The following DTNBP1 variants were observed in gnomAD, a reference collection of about 807,000 sequenced individuals.
The protein encoded by DTNBP1 is dystrobrevin binding protein 1, also known as dysbindin.
A neutral mutation model predicts 42.8 loss-of-function variants in DTNBP1; 35 were observed. That is an observed-to-expected ratio of 0.82 (90% CI 0.63 to 1.09). The LOEUF (loss-of-function observed/expected upper bound fraction) is 1.09, where lower values mean the gene tolerates loss of function less well. Among genes scored for constraint, DTNBP1 ranks in the 50% least tolerant of loss-of-function variants. The probability of loss-of-function intolerance (pLI) is 0.00; values close to 1 mark genes in which losing one functional copy is unlikely to be tolerated. For synonymous variants in DTNBP1, 171 were observed against 162.2 expected, an observed-to-expected ratio of 1.05 and a Z score of -0.41; for missense variants, 457 against 424.2, an observed-to-expected ratio of 1.08 and a Z score of -0.68.
chr6:15,546,328 G>T (rs574742140), intron 7 of DTNBP1, among the ~76,000 whole-genome samples: 100 of 152,100 alleles, frequency 6.6e-4, no homozygotes, highest in African/African-American at 2.0e-3. Context: ...GCCTCCCAAA[G>T]TGCTGGGTTT....
At chr6:15,540,980 G>A (rs1465752562) in intron 7 of DTNBP1, among the ~76,000 whole-genome samples, 1 of 151,998 alleles carries the variant, frequency 6.6e-6, no homozygotes, top group Non-Finnish European at 1.5e-5. Flanking sequence ...AACAATCACT[G>A]TTTTAAGTTT....
chr6:15,660,543 A>C (rs1761548193), intron 1 of DTNBP1: 2 of 1,289,504 alleles, frequency 1.6e-6, no homozygotes, highest in Admixed American at 2.3e-5. Flanking sequence ...AAAGCCAACA[A>C]AAGACCTAAT....
chr6:15,527,269 A>G (rs1459279920), intron 8 of DTNBP1, among the ~76,000 whole-genome samples: 2 of 152,172 alleles, frequency 1.3e-5, no homozygotes, highest in East Asian at 3.8e-4. Flanking sequence ...AATATCCATA[A>G]TCTTGGGGGC....
In DTNBP1 at chr6:15,533,793, C is replaced by G. The variant is rs115804155; in HGVS notation, c.512-398G>C. Among the ~76,000 whole-genome samples, 406 of 152,330 alleles carry G rather than the reference C, an allele frequency of 2.7e-3. 6 individuals carry two copies. Among genetic ancestry groups the G allele is most frequent in the African/African-American group, 9.0e-3 (373 of 41,580 alleles). On this transcript the variant is annotated intron_variant, in intron 7 of 9. Coordinates refer to ENST00000344537, the MANE Select transcript of DTNBP1 (RefSeq NM_032122.5). ...CCACATCCCTGTGTTTAGACTTTTGCAGCTGACTTACAAAAATTGCAGTGC... is the reference window on the plus strand; with the variant it reads ...CCACATCCCTGTGTTTAGACTTTTGGAGCTGACTTACAAAAATTGCAGTGC...
At chr6:15,624,977 T>C (rs1439390287) in intron 5 of DTNBP1, among the ~76,000 whole-genome samples, 1 of 152,192 alleles carries the variant, frequency 6.6e-6, no homozygotes, top group Non-Finnish European at 1.5e-5. Context: ...AAAGTGTTTG[T>C]TTTCCTACTG....
intron 7 of DTNBP1, among the ~76,000 whole-genome samples, chr6:15,569,977 C>G (rs1169491841): frequency 6.6e-6 from 1 of 152,086 alleles, no homozygotes; most frequent in East Asian, 1.9e-4. Flanking sequence ...CTCTTCCCTT[C>G]TCCCTCCCTC....
chr6:15,544,191 C>T (rs562112528), intron 7 of DTNBP1, among the ~76,000 whole-genome samples: 3 of 152,300 alleles, frequency 2.0e-5, no homozygotes, highest in East Asian at 3.9e-4. Flanking sequence ...TTCTGAGACT[C>T]GCTTTTTTCA....
intron 1 of DTNBP1, among the ~76,000 whole-genome samples, chr6:15,659,847 C>CA (rs2113833659): frequency 6.6e-6 from 1 of 152,104 alleles, no homozygotes; most frequent in East Asian, 1.9e-4. Context: ...CCACCGCACC[C>CA]AGCCAAAAGA....
At chr6:15,581,993 CT>C (rs953550353) in intron 7 of DTNBP1, among the ~76,000 whole-genome samples, 11 of 149,272 alleles carry the variant, frequency 7.4e-5, no homozygotes, top group Admixed American at 1.3e-4. Flanking sequence ...AAATCAGCAT[CT>C]TTTTTTTTTA....
chr6:15,655,921 T>C (rs543735234), intron 1 of DTNBP1, among the ~76,000 whole-genome samples: 2 of 152,326 alleles, frequency 1.3e-5, no homozygotes, highest in South Asian at 4.1e-4. Flanking sequence ...AACCCACTTA[T>C]AACGTCTGTT....
chr6:15,592,630 C>A (rs1776346004), intron 7 of DTNBP1, among the ~76,000 whole-genome samples: 1 of 152,164 alleles, frequency 6.6e-6, no homozygotes, highest in Non-Finnish European at 1.5e-5. Flanking sequence ...AGAGACTCAT[C>A]CAAAGTCACA....
chr6:15,555,964 C>T (rs757112058), intron 7 of DTNBP1, among the ~76,000 whole-genome samples: 7 of 152,056 alleles, frequency 4.6e-5, no homozygotes, highest in Non-Finnish European at 8.8e-5. Flanking sequence ...CTGGAGAAAC[C>T]CCGACCCAAA....
intron 7 of DTNBP1, among the ~76,000 whole-genome samples, chr6:15,551,552 A>G (rs558339994): frequency 2.6e-5 from 4 of 152,150 alleles, no homozygotes; most frequent in Non-Finnish European, 5.9e-5. Context: ...CACTCAGCCA[A>G]CTTCCACTCA....
At chr6:15,542,040 TA>T (rs1473091471) in intron 7 of DTNBP1, among the ~76,000 whole-genome samples, 1 of 152,206 alleles carries the variant, frequency 6.6e-6, no homozygotes, top group Non-Finnish European at 1.5e-5. Context: ...GTAATCTCTC[TA>T]TTAAAGATTA....
intron 3 of DTNBP1, among the ~76,000 whole-genome samples, chr6:15,644,175 TAAA>T (rs35859847): frequency 4.5e-5 from 6 of 132,102 alleles, no homozygotes; most frequent in African/African-American, 1.4e-4. Flanking sequence ...CAAGAACAGT[TAAA>T]AAAAAAAAAA....
chr6:15,623,742 G>A (rs1476001672), intron 5 of DTNBP1, among the ~76,000 whole-genome samples: 1 of 152,134 alleles, frequency 6.6e-6, no homozygotes, highest in Non-Finnish European at 1.5e-5. Flanking sequence ...AGATAATTCA[G>A]TATATACTTT....
chr6:15,640,779 T>A (rs1341214134), intron 3 of DTNBP1, among the ~76,000 whole-genome samples: 1 of 152,162 alleles, frequency 6.6e-6, no homozygotes, highest in Non-Finnish European at 1.5e-5. Flanking sequence ...CTAGAATCTA[T>A]TAAAGGCTTG....
At chr6:15,548,003 A>C (rs1773982235) in intron 7 of DTNBP1, among the ~76,000 whole-genome samples, 1 of 152,222 alleles carries the variant, frequency 6.6e-6, no homozygotes, top group African/African-American at 2.4e-5. Flanking sequence ...GATGTGAGAA[A>C]GTGAATATGG....
intron 7 of DTNBP1, among the ~76,000 whole-genome samples, chr6:15,569,360 C>T (rs56273146): frequency 5.3e-4 from 73 of 138,522 alleles, no homozygotes; most frequent in African/African-American, 1.5e-3. Flanking sequence ...AAGACCCCCC[C>T]CCGCCCGCCC....
Sources: gnomAD v4.1 joint callset for allele counts (sites outside exome capture counted in the v4.1 genomes callset) on GRCh38, gnomAD v4.1.1 for gene constraint, MANE v1.5 for transcripts, NCBI Gene and HGNC (gene_info 2026-07-23, HGNC 2026-07-21) for gene names.